The following MRTFA variants were observed in gnomAD, a reference collection of about 807,000 sequenced individuals.
MRTFA encodes the protein myocardin-related transcription factor A.
Under a neutral mutation model 83.5 loss-of-function variants are expected in MRTFA, and 20 were observed. The observed-to-expected ratio is 0.24, with a 90% CI of 0.17 to 0.35. The LOEUF (loss-of-function observed/expected upper bound fraction) is 0.35. Among genes scored for constraint, MRTFA ranks in the 10% least tolerant of loss-of-function variants. The probability of loss-of-function intolerance (pLI) is 1.00; values close to 1 mark genes in which losing one functional copy is unlikely to be tolerated. For synonymous variants in MRTFA, 659 were observed against 541.2 expected (o/e 1.22, Z -3.02); for missense variants, 1,200 against 1,224.7 (o/e 0.98, Z 0.30).
intron 1 of MRTFA, among the ~76,000 whole-genome samples, chr22:40,630,787 C>T (rs1030670641): frequency 2.0e-5 from 3 of 152,210 alleles, no homozygotes; most frequent in Non-Finnish European, 2.9e-5. Flanking sequence ...ATTGCAGCCT[C>T]AAACTCCTGG....
intron 4 of MRTFA, among the ~76,000 whole-genome samples, chr22:40,449,036 C>G (rs563170689): frequency 1.3e-5 from 2 of 152,070 alleles, no homozygotes; most frequent in Non-Finnish European, 2.9e-5. Flanking sequence ...GAGGCCGAGG[C>G]GGGTGGATCA....
chr22:40,473,209 A>G (rs936943106), intron 3 of MRTFA, among the ~76,000 whole-genome samples: 5 of 152,078 alleles, frequency 3.3e-5, no homozygotes, highest in African/African-American at 1.2e-4. Context: ...GTCCAGGCTG[A>G]AGTGCAGTGG....
rs906301415 is a variant in MRTFA, at chr22:40,416,829, T to C, written c.2578+157A>G. On this transcript the variant is annotated intron_variant, in intron 14 of 14. Coordinates refer to ENST00000355630, the MANE Select transcript of MRTFA (RefSeq NM_020831.6). This position sits in a 1 kb window ranked among gnomAD's most constrained non-coding sequence, Gnocchi z 4.2. ...CTTCCCTGGTCCTCTCGCCCAGGCC[T>C]TGGAGACGGGAGGGCTCACAGCCAC... 7 of 705,920 alleles carry C rather than the reference T, an allele frequency of 9.9e-6. No homozygotes were observed. In the East Asian group the frequency reaches 1.6e-4, roughly 17 times the overall value. 43.7% of individuals were successfully genotyped at this position (705,920 alleles called of 1,614,324 possible).
intron 14 of MRTFA, 43 bp from the exon 15 acceptor site, chr22:40,411,950 C>A (rs1384045332): frequency 1.4e-6 from 2 of 1,421,848 alleles, no homozygotes; most frequent in African/African-American, 1.4e-5. Context: ...AGAAGCCAAG[C>A]CTGTATATCT....
At chr22:40,480,451 T>C (rs1225756387) in intron 3 of MRTFA, among the ~76,000 whole-genome samples, 2 of 152,022 alleles carry the variant, frequency 1.3e-5, no homozygotes, top group Admixed American at 1.3e-4. Flanking sequence ...ATTGATAGTG[T>C]TATCAGCATG....
chr22:40,417,192 G>T, intron 13 of MRTFA, 146 bp from the exon 14 acceptor site: 1 of 1,360,768 alleles, frequency 7.3e-7, no homozygotes. Context: ...CCTGGAGCCC[G>T]TCCCCTAACA....
At chr22:40,456,551 G>A (rs747053578) in intron 4 of MRTFA, among the ~76,000 whole-genome samples, 2 of 152,152 alleles carry the variant, frequency 1.3e-5, no homozygotes, top group Admixed American at 6.5e-5. Flanking sequence ...AGCTGGACGT[G>A]CTGGCCCGCA....
At chr22:40,462,335 T>C (rs2053729498) in intron 4 of MRTFA, among the ~76,000 whole-genome samples, 1 of 151,712 alleles carries the variant, frequency 6.6e-6, no homozygotes, top group Admixed American at 6.6e-5. Flanking sequence ...AGATTTTGAA[T>C]GAATGAATGA....
rs541706333 is a variant in MRTFA at position 40,555,829 on chromosome 22, G to A, written c.-21-3462C>T. Among the ~76,000 whole-genome samples the A allele has an allele frequency of 9.0e-4, 136 of 151,632 alleles. 1 individual carries two copies. In the Middle Eastern group the frequency reaches 0.021, roughly 23 times the overall value. On this transcript the variant is annotated intron_variant, in intron 2 of 14. Coordinates refer to ENST00000355630, the MANE Select transcript of MRTFA (RefSeq NM_020831.6). ...ATTTTTTTGTATTTTTAGTAGAGAC[G>A]GGGTTTCACCAATGTTAGCCAGGAT...
intron 12 of MRTFA, among the ~76,000 whole-genome samples, chr22:40,418,006 G>A (rs1055459200): frequency 6.6e-6 from 1 of 152,090 alleles, no homozygotes; most frequent in African/African-American, 2.4e-5. Context: ...CCTGGCCAGA[G>A]GACCCCACAG....
intron 4 of MRTFA, among the ~76,000 whole-genome samples, chr22:40,458,678 T>C (rs189067498): frequency 2.0e-4 from 30 of 152,226 alleles, no homozygotes; most frequent in African/African-American, 6.5e-4. Context: ...CCAGAAATGA[T>C]GAGACAAAAT....
At chr22:40,627,634 G>A (rs1007633223) in intron 1 of MRTFA, among the ~76,000 whole-genome samples, 2 of 152,202 alleles carry the variant, frequency 1.3e-5, no homozygotes, top group African/African-American at 4.8e-5. Context: ...TAGAGGCAAA[G>A]TTAGGAACTT....
chr22:40,577,196 C>T (rs1482928049), intron 2 of MRTFA, among the ~76,000 whole-genome samples: 2 of 138,514 alleles, frequency 1.4e-5, no homozygotes, highest in African/African-American at 5.4e-5. Flanking sequence ...GCACTGCACT[C>T]ATGCACTCCT....
intron 4 of MRTFA, among the ~76,000 whole-genome samples, chr22:40,447,079 G>T (rs1048688378): frequency 1.3e-5 from 2 of 152,060 alleles, no homozygotes; most frequent in Non-Finnish European, 2.9e-5. Flanking sequence ...CATTTGGCTG[G>T]GGGTGGCAGC....
intron 9 of MRTFA, among the ~76,000 whole-genome samples, chr22:40,421,763 G>A (rs1349985555): frequency 2.6e-5 from 4 of 152,196 alleles, no homozygotes; most frequent in Admixed American, 6.5e-5. Context: ...AAGGAAGGGC[G>A]CAGTTGGACG....
At chr22:40,622,236 C>T (rs1340094438) in intron 1 of MRTFA, among the ~76,000 whole-genome samples, 1 of 152,084 alleles carries the variant, frequency 6.6e-6, no homozygotes, top group Non-Finnish European at 1.5e-5. Context: ...AATCCCAGCA[C>T]TTTGGGAGGC....
chr22:40,451,741 G>T (rs2053490112), intron 4 of MRTFA, among the ~76,000 whole-genome samples: 1 of 152,062 alleles, frequency 6.6e-6, no homozygotes, highest in South Asian at 2.1e-4. Context: ...CATAGGCCAG[G>T]CATGTTTATA....
At chr22:40,495,974 G>A (rs2054347820) in intron 3 of MRTFA, among the ~76,000 whole-genome samples, 1 of 151,742 alleles carries the variant, frequency 6.6e-6, no homozygotes. Context: ...GCTGAGGCTG[G>A]AGAAGCGCTT....
At chr22:40,531,104 A>G (rs2055071571) in intron 3 of MRTFA, among the ~76,000 whole-genome samples, 1 of 151,836 alleles carries the variant, frequency 6.6e-6, no homozygotes, top group Admixed American at 6.6e-5. Context: ...GGAGGATGAA[A>G]GTTTTATTTT....
Sources: gnomAD v4.1 joint callset for allele counts (sites outside exome capture counted in the v4.1 genomes callset) on GRCh38, gnomAD v4.1.1 for gene constraint, Gnocchi (gnomAD v3.1) non-coding constraint, MANE v1.5 for transcripts, NCBI Gene and HGNC (gene_info 2026-07-23, HGNC 2026-07-21) for gene names.